Variants in AEBP1 observed in about 807,000 individuals in gnomAD.
The protein encoded by AEBP1 is adipocyte enhancer-binding protein 1.
AEBP1 carries 69 observed loss-of-function variants against 116.5 expected under a neutral mutation model. That is an observed-to-expected ratio of 0.59 (90% CI 0.49 to 0.72). The LOEUF (loss-of-function observed/expected upper bound fraction) is 0.72, where lower values mean the gene tolerates loss of function less well. AEBP1 is among the 30% of genes least tolerant of loss of function. The probability of loss-of-function intolerance (pLI) is 0.00; values close to 1 mark genes in which losing one functional copy is unlikely to be tolerated. For missense variants in AEBP1, 1,444 were observed against 1,557.5 expected (o/e 0.93, Z 1.23); for synonymous variants, 627 against 627.3 (o/e 1.00, Z 0.01).
rs1212169949 is a variant in AEBP1 at position 44,112,259 on chromosome 7, C to A, written c.2155C>A (p.Pro719Thr). Residue 719 changes from proline (P) to threonine (T), a missense_variant, in exon 17 of 21, where the codon CCC becomes ACC. Coordinates refer to ENST00000223357, the MANE Select transcript of AEBP1 (RefSeq NM_001129.5). This position sits in a 1 kb window ranked among gnomAD's most constrained non-coding sequence, Gnocchi z 6.6. Reference protein sequence around the residue: ...LWGAEERKWVPYRVPNNNLPI... With the variant: ...LWGAEERKWVTYRVPNNNLPI... ...GGGAGCTGAGGAGAGGAAATGGGTC[C>A]CCTACCGGGTCCCCAACAATAACTT... 1 of 1,598,040 alleles carries A rather than the reference C, an allele frequency of 6.3e-7. No individual in the cohort carries two copies.
rs2096220671 is a variant in AEBP1 at position 44,104,389 on chromosome 7, G to A, written c.-277G>A. ...CTATCCGCGCGGGAGTGCGCCACGC[G>A]GGGCCGGAGCGCCTATTAGCCGCCA... On this transcript the variant is annotated 5_prime_UTR_variant, in exon 1 of 21. Transcript: ENST00000223357. The A allele has an allele frequency of 6.7e-6, 2 of 299,712 alleles. No individual in the cohort carries two copies. Among genetic ancestry groups the A allele is most frequent in the Non-Finnish European group, 1.2e-5 (2 of 163,628 alleles). 18.6% of individuals were successfully genotyped at this position (299,712 alleles called of 1,614,324 possible). A position where few individuals can be genotyped will look rare whatever the true frequency, so the allele number is the denominator to read the frequency against.
rs1446756509 is a variant in AEBP1, at chr7:44,108,209, C to CGCTGTCCCT, written c.940+137_940+145dup. On this transcript the variant is annotated intron_variant, in intron 6 of 20. Coordinates refer to ENST00000223357, the MANE Select transcript of AEBP1 (RefSeq NM_001129.5). This position sits in a 1 kb window ranked among gnomAD's most constrained non-coding sequence, Gnocchi z 5.0. ...ACCCCACCTGTGCCCGTGGTTACCT[C>CGCTGTCCCT]GCTGTCCCTGCTGTCCCTGCGTGCC... is the stretch of plus-strand genomic sequence containing the variant. 20 of 929,658 alleles carry CGCTGTCCCT rather than the reference C, an allele frequency of 2.2e-5. No homozygotes were observed. The African/African-American group carries it at 2.9e-4, about 14-fold the overall frequency. 57.6% of individuals were successfully genotyped at this position (929,658 alleles called of 1,614,324 possible).
In AEBP1 at chr7:44,111,885, C is replaced by G. The variant is rs1331670865; in HGVS notation, c.1872C>G (p.Ile624Met). ...GEPEFRYTAGIHGNEVLGREL... is the reference protein window; with the variant it reads ...GEPEFRYTAGMHGNEVLGREL... Reference sequence around the variant, plus strand: ...CCGAGTTCCGCTACACTGCTGGGATCCATGGCAACGAGGTGCTGGGCCGAG... The same window carrying G: ...CCGAGTTCCGCTACACTGCTGGGATGCATGGCAACGAGGTGCTGGGCCGAG... The change falls in exon 16 of 21, where the codon ATC (isoleucine) becomes ATG (methionine). Residue 624 changes from isoleucine (I) to methionine (M), a missense_variant. Physicochemically the swap from Ile to Met is conservative, Grantham distance 10. Transcript: ENST00000223357. The surrounding 1 kb of genome is among the most constrained non-coding windows in gnomAD (Gnocchi z 4.7). 3 of 1,613,520 alleles carry G rather than the reference C, an allele frequency of 1.9e-6. No homozygotes were observed. The highest frequency in any genetic ancestry group is 1.1e-5 in the South Asian group (1 of 91,066).
chr7:44,110,438 C>A, intron 11 of AEBP1, 92 bp downstream of exon 11: 1 of 1,566,890 alleles, frequency 6.4e-7, no homozygotes, highest in Non-Finnish European at 8.7e-7. Flanking sequence ...GTGGGCCCTT[C>A]TTTGGCCCAG....
At position 44,109,184 on chromosome 7, in the gene AEBP1, G is replaced by A. The variant is rs1041672524; in HGVS notation, c.1096G>A (p.Glu366Lys). 6.2e-7 allele frequency: 1 copy of A among 1,613,666 alleles called. No homozygotes were observed. Among genetic ancestry groups the A allele is most frequent in the African/African-American group, 1.3e-5 (1 of 74,950 alleles). ...AGTGGAGAAGGGCAAGGACCACAAA[G>A]GTGTGTGGCTGGGGCTTGGGGCCTG... ...WAVEKGKDHKEPRKGEELEEE... is the reference protein window; with the variant it reads ...WAVEKGKDHKKPRKGEELEEE... The change falls in exon 8 of 21, where the codon GAG (glutamate) becomes AAG (lysine). Residue 366 changes from glutamate to lysine, a missense_variant and splice_region_variant. Physicochemically the swap from Glu to Lys is moderately conservative, Grantham distance 56. Transcript: ENST00000223357.
chr7:44,105,973 A>T (rs1054616236), intron 1 of AEBP1, among the ~76,000 whole-genome samples: 27 of 152,158 alleles, frequency 1.8e-4, no homozygotes, highest in Non-Finnish European at 3.8e-4. Flanking sequence ...TGAACCCCCC[A>T]GGACTCCCTA....
Position 44,108,934 on chromosome 7 carries a change from C to T in AEBP1, c.976C>T (p.Pro326Ser), listed in dbSNP as rs780972356. 6 of 1,598,702 alleles carry T rather than the reference C, an allele frequency of 3.8e-6. No homozygotes were observed. Among genetic ancestry groups the T allele is most frequent in the Non-Finnish European group, 4.3e-6 (5 of 1,173,570 alleles). ...CTTTGGGCCTCCTCCGCCCCAGAAG[C>T]CCGATGCTGAGCGCCAGACAGACGA... ...YYFGPPPPQK[P>S]DAERQTDEEK... The change falls in exon 7 of 21, where the codon CCC becomes TCC. Residue 326 changes from proline (P) to serine (S), a missense_variant. By Grantham distance (74) the Pro-to-Ser change is moderately conservative (BLOSUM62 -1). Coordinates refer to ENST00000223357, the MANE Select transcript of AEBP1 (RefSeq NM_001129.5). The surrounding 1 kb of genome is among the most constrained non-coding windows in gnomAD (Gnocchi z 5.0).
Position 44,110,228 on chromosome 7 carries a change from T to G in AEBP1, c.1282T>G (p.Tyr428Asp), listed in dbSNP as rs1300007929. The change falls in exon 11 of 21, where the codon TAC (tyrosine) becomes GAC (aspartate). Residue 428 changes from tyrosine (Y) to aspartate (D), a missense_variant. Coordinates refer to ENST00000223357, the MANE Select transcript of AEBP1 (RefSeq NM_001129.5). ...ACAGACCGGTGCCACTGAGGACGAC[T>G]ACTATGATGGTGCGTGGTGTGCCGA... is the stretch of plus-strand genomic sequence containing the variant. ...NMQTGATEDDYYDGAWCAEDD... is the reference protein window; with the variant it reads ...NMQTGATEDDDYDGAWCAEDD... 6.2e-7 allele frequency: 1 copy of G among 1,613,592 alleles called. No individual in the cohort carries two copies. Among genetic ancestry groups the G allele is most frequent in the African/African-American group, 1.3e-5 (1 of 74,930 alleles).
At position 44,112,629 on chromosome 7, in the gene AEBP1, C is replaced by T. The variant is rs149410697; in HGVS notation, c.2289C>T (p.Asn763=). 244 of 1,610,974 alleles carry T rather than the reference C, an allele frequency of 1.5e-4. No individual in the cohort carries two copies. The highest frequency in any genetic ancestry group is 8.2e-4 in the Middle Eastern group (5 of 6,076). ...KNPFVLGANL[N]GGERLVSYPY... is the part of the protein sequence containing the mutation. ...CCTTCGTGCTGGGAGCAAATCTGAA[C>T]GGCGGCGAGCGGCTAGTATCCTACC... The change falls in exon 18 of 21, where the codon AAC becomes AAT. Residue 763 remains asparagine (N), a synonymous_variant. Transcript: ENST00000223357. The surrounding 1 kb of genome is among the most constrained non-coding windows in gnomAD (Gnocchi z 6.6).
Position 44,110,005 on chromosome 7 carries a change from G to C in AEBP1, c.1151-10G>C. On this transcript the variant is annotated splice_polypyrimidine_tract_variant and intron_variant, in intron 9 of 20. Transcript: ENST00000223357. ...CTAGTGAGCCACCATTCTGGGGTACGCGTCCTCAGAGTGTCCCCCCATTGG... is the reference window on the plus strand; with the variant it reads ...CTAGTGAGCCACCATTCTGGGGTACCCGTCCTCAGAGTGTCCCCCCATTGG... 6.2e-7 allele frequency: 1 copy of C among 1,607,788 alleles called. No homozygotes were observed. Among genetic ancestry groups the C allele is most frequent in the Non-Finnish European group, 8.5e-7 (1 of 1,175,680 alleles).
rs934991572 is a variant in AEBP1, at chr7:44,112,164, C to A, written c.2060C>A (p.Ala687Glu). ...CAGGGCTCAGAGTTTGGGAACTGGG[C>A]GCTGGGACTGTGGACTGAGGAGGGC... Reference protein sequence around the residue: ...AQMGSEFGNWALGLWTEEGFD... With the variant: ...AQMGSEFGNWELGLWTEEGFD... The change falls in exon 17 of 21, where the codon GCG (alanine) becomes GAG (glutamate). Residue 687 changes from alanine (A) to glutamate (E), a missense_variant. By Grantham distance (107) the Ala-to-Glu change is moderately radical. Coordinates refer to ENST00000223357, the MANE Select transcript of AEBP1 (RefSeq NM_001129.5). The surrounding 1 kb of genome is among the most constrained non-coding windows in gnomAD (Gnocchi z 6.6). 2 of 1,600,880 alleles carry A rather than the reference C, an allele frequency of 1.2e-6. No individual in the cohort carries two copies. Among genetic ancestry groups the A allele is most frequent in the African/African-American group, 1.3e-5 (1 of 74,740 alleles).
chr7:44,110,295 G>A lies in AEBP1; in HGVS notation c.1349G>A (p.Arg450Lys), dbSNP rs1306342939. 1.9e-6 allele frequency: 3 copies of A among 1,613,674 alleles called. No individual in the cohort carries two copies. The highest frequency in any genetic ancestry group is 2.5e-6 in the Non-Finnish European group (3 of 1,180,024). The stretch of plus-strand genomic sequence containing the variant: ...CAGTGGATAGAGGTGGACACCAGGA[G>A]GACTACCCGGTTCACAGGCGTCATC... Reference protein sequence around the residue: ...RTQWIEVDTRRTTRFTGVITQ... With the variant: ...RTQWIEVDTRKTTRFTGVITQ... Residue 450 changes from arginine to lysine, a missense_variant, in exon 11 of 21, where the codon AGG (arginine) becomes AAG (lysine). Transcript: ENST00000223357.
In AEBP1 at chr7:44,109,595, G is replaced by A. The variant is rs1270730722; in HGVS notation, c.1150+254G>A. ...CCCCTAGTGGCTGGGCGTGGTAGGGGGAGGACCTGGGGCCTTGGTGGGGAG... is the reference window on the plus strand; with the variant it reads ...CCCCTAGTGGCTGGGCGTGGTAGGGAGAGGACCTGGGGCCTTGGTGGGGAG... On this transcript the variant is annotated intron_variant, in intron 9 of 20. Transcript: ENST00000223357. 6.9e-6 allele frequency: 4 copies of A among 583,156 alleles called. No individual in the cohort carries two copies. The East Asian group carries it at 1.1e-4, about 17-fold the overall frequency. The allele number at this position is 583,156 out of a possible 1,614,324, so 36.1% of individuals were successfully genotyped here.
Position 44,112,976 on chromosome 7 carries a change from T to C in AEBP1, c.2570-15T>C, listed in dbSNP as rs1235472765. On this transcript the variant is annotated splice_polypyrimidine_tract_variant and intron_variant, in intron 18 of 20. Coordinates refer to ENST00000223357, the MANE Select transcript of AEBP1 (RefSeq NM_001129.5). The surrounding 1 kb of genome is among the most constrained non-coding windows in gnomAD (Gnocchi z 6.6). Reference sequence around the variant, plus strand: ...GAGAGGGGCTGACTTTGGGTCTGTATCTGTCCCCGGCCAGCTATCAATGAC... The same window carrying C: ...GAGAGGGGCTGACTTTGGGTCTGTACCTGTCCCCGGCCAGCTATCAATGAC... The C allele has an allele frequency of 6.2e-7, 1 of 1,613,796 alleles. No individual in the cohort carries two copies. The highest frequency in any genetic ancestry group is 8.5e-7 in the Non-Finnish European group (1 of 1,179,976).
At position 44,113,384 on chromosome 7, in the gene AEBP1, C is replaced by T; in HGVS notation, c.2809+33C>T. On this transcript the variant is annotated intron_variant, in intron 20 of 20. Transcript: ENST00000223357. The surrounding 1 kb of genome is among the most constrained non-coding windows in gnomAD (Gnocchi z 5.3). ...GTGTGCACACCTTTACCCCATCTTT[C>T]TGAGGGAGGACCCGCCAGAGAGGGT... 6.3e-7 allele frequency: 1 copy of T among 1,580,890 alleles called. No homozygotes were observed. Among genetic ancestry groups the T allele is most frequent in the East Asian group, 2.3e-5 (1 of 43,202 alleles).
rs1465791953 is a variant in AEBP1, at chr7:44,112,228, G to A, written c.2124G>A (p.Val708=). The A allele has an allele frequency of 1.2e-6, 2 of 1,609,136 alleles. No individual in the cohort carries two copies. The highest frequency in any genetic ancestry group is 4.5e-5 in the East Asian group (2 of 44,706). Residue 708 remains valine (V), a synonymous_variant, in exon 17 of 21, where the codon GTG becomes GTA. Coordinates refer to ENST00000223357, the MANE Select transcript of AEBP1 (RefSeq NM_001129.5). This position sits in a 1 kb window ranked among gnomAD's most constrained non-coding sequence, Gnocchi z 6.6. ...AAGATTTCCCGGATCTCAACTCTGT[G>A]CTCTGGGGAGCTGAGGAGAGGAAAT... The part of the protein sequence containing the change: ...IFEDFPDLNS[V]LWGAEERKWV...
In AEBP1 at chr7:44,108,839, C is replaced by T; in HGVS notation, c.941-60C>T. On this transcript the variant is annotated intron_variant, in intron 6 of 20. Transcript: ENST00000223357. The surrounding 1 kb of genome is among the most constrained non-coding windows in gnomAD (Gnocchi z 5.0). Reference sequence around the variant, plus strand: ...CTGTCCTGCTGAGCTCCTGTGGACCCAGGAGCTGAGGCCCCGCAGCAGGGT... The same window carrying T: ...CTGTCCTGCTGAGCTCCTGTGGACCTAGGAGCTGAGGCCCCGCAGCAGGGT... 6.7e-7 allele frequency: 1 copy of T among 1,488,032 alleles called. No homozygotes were observed. The highest frequency in any genetic ancestry group is 9.2e-7 in the Non-Finnish European group (1 of 1,091,836). The allele number at this position is 1,488,032 out of a possible 1,614,324, so 92.2% of individuals were successfully genotyped here.
At chr7:44,109,021 C>T (rs1237211845) in intron 7 of AEBP1, 45 bp downstream of exon 7, 3 of 1,607,448 alleles carry the variant, frequency 1.9e-6, no homozygotes, top group African/African-American at 2.7e-5. Flanking sequence ...GCCCTGAAGG[C>T]CACCTGGGGC....
At position 44,111,573 on chromosome 7, in the gene AEBP1, C is replaced by T. The variant is rs1168034376; in HGVS notation, c.1783C>T (p.Arg595Ter). ...TRTYSLGKSS[R>*]GLKIYAMEIS... ...CACTTACAGCCTGGGCAAGAGCTCACGAGGCCTCAAGATCTATGCCATGGA... is the reference window on the plus strand; with the variant it reads ...CACTTACAGCCTGGGCAAGAGCTCATGAGGCCTCAAGATCTATGCCATGGA... The change falls in exon 15 of 21, where the codon CGA becomes TGA. Residue 595 changes from arginine to a stop codon, truncating the protein, a stop_gained. Coordinates refer to ENST00000223357, the MANE Select transcript of AEBP1 (RefSeq NM_001129.5). LOFTEE classifies it high-confidence loss of function. This position sits in a 1 kb window ranked among gnomAD's most constrained non-coding sequence, Gnocchi z 4.7. The T allele has an allele frequency of 6.2e-6, 10 of 1,612,962 alleles. No homozygotes were observed. The highest frequency in any genetic ancestry group is 4.5e-5 in the East Asian group (2 of 44,886).
Sources: allele counts gnomAD v4.1 joint callset (sites outside exome capture counted in the v4.1 genomes callset), GRCh38; gene constraint gnomAD v4.1.1; non-coding constraint Gnocchi (gnomAD v3.1); transcripts MANE v1.5; gene names NCBI Gene and HGNC (gene_info 2026-07-23, HGNC 2026-07-21).